The following KIF3C variants were observed in gnomAD, a reference collection of about 807,000 sequenced individuals.
KIF3C encodes the protein kinesin-like protein KIF3C.
Under a neutral mutation model 67.7 loss-of-function variants are expected in KIF3C, and 12 were observed. That is an observed-to-expected ratio of 0.18 (90% CI 0.11 to 0.29). The LOEUF is 0.29. KIF3C is among the 10% of genes least tolerant of loss of function. The probability of loss-of-function intolerance (pLI) is 1.00; values close to 1 mark genes in which losing one functional copy is unlikely to be tolerated. For missense variants in KIF3C, 789 were observed against 1,059.6 expected (o/e 0.74, Z 3.55); for synonymous variants, 393 against 426.2 (o/e 0.92, Z 0.96).
intron 1 of KIF3C, among the ~76,000 whole-genome samples, chr2:25,969,513 A>G (rs2149241346): frequency 6.6e-6 from 1 of 152,310 alleles, no homozygotes; most frequent in East Asian, 1.9e-4. Flanking sequence ...ATGACTTTTT[A>G]AAGTATTACA....
In KIF3C at chr2:25,955,630, T is replaced by C. The variant is rs759175298; in HGVS notation, c.1681A>G (p.Met561Val). Reference sequence around the variant, plus strand: ...TCCATAGTCTCCTCGTCCCGGAGCATCATCTCCTGCTGCATCTCCCGCTCA... The same window carrying C: ...TCCATAGTCTCCTCGTCCCGGAGCACCATCTCCTGCTGCATCTCCCGCTCA... ...RREREMQQEM[M>V]LRDEETMELR... Residue 561 changes from methionine to valine, a missense_variant, in exon 3 of 8, where the codon ATG becomes GTG. Around this residue, in one of 2 missense-constraint regions of KIF3C, gnomAD observed 648 missense variants for 807.8 expected, o/e 0.80. Coordinates refer to ENST00000264712, the MANE Select transcript of KIF3C (RefSeq NM_002254.8). The surrounding 1 kb of genome is among the most constrained non-coding windows in gnomAD (Gnocchi z 5.0). 1 of 1,614,078 alleles carries C rather than the reference T, an allele frequency of 6.2e-7. No homozygotes were observed. Among genetic ancestry groups the C allele is most frequent in the Admixed American group, 1.7e-5 (1 of 60,000 alleles).
At chr2:25,938,819 C>A (rs1332799102) in intron 5 of KIF3C, among the ~76,000 whole-genome samples, 1 of 152,140 alleles carries the variant, frequency 6.6e-6, no homozygotes, top group East Asian at 1.9e-4. Flanking sequence ...CCACAGTTAT[C>A]CTGCGTGCAG....
At chr2:25,971,886 T>A (rs1664293608) in intron 1 of KIF3C, among the ~76,000 whole-genome samples, 1 of 143,294 alleles carries the variant, frequency 7.0e-6, no homozygotes. Flanking sequence ...TTTTTTTTTT[T>A]TTTTTTTTTT....
intron 1 of KIF3C, among the ~76,000 whole-genome samples, chr2:25,967,198 G>A (rs2149240360): frequency 6.6e-6 from 1 of 152,322 alleles, no homozygotes. Context: ...CTGCCTGTGT[G>A]AGAGTCTTAT....
At chr2:25,931,974 C>T (rs1168535659) in intron 5 of KIF3C, among the ~76,000 whole-genome samples, 1 of 147,166 alleles carries the variant, frequency 6.8e-6, no homozygotes, top group African/African-American at 2.5e-5. Context: ...TGTCACCCAG[C>T]CTTCATTGTG....
intron 1 of KIF3C, among the ~76,000 whole-genome samples, chr2:25,960,151 C>T (rs1473292784): frequency 6.6e-6 from 1 of 152,102 alleles, no homozygotes; most frequent in East Asian, 1.9e-4. Context: ...TGCCTGTGGT[C>T]CCCATTGTTT....
At chr2:25,969,311 G>A (rs752696188) in intron 1 of KIF3C, among the ~76,000 whole-genome samples, 12 of 151,734 alleles carry the variant, frequency 7.9e-5, no homozygotes, top group Admixed American at 4.6e-4. Context: ...TGTCCCCCCC[G>A]TCTTTTTTAA....
chr2:25,945,031 T>A (rs749490775), intron 5 of KIF3C, among the ~76,000 whole-genome samples: 2 of 151,714 alleles, frequency 1.3e-5, no homozygotes, highest in Non-Finnish European at 2.9e-5. Flanking sequence ...CTCAGGAGGC[T>A]GAGGCAGGAG....
chr2:25,942,674 T>C (rs925626812), intron 5 of KIF3C, among the ~76,000 whole-genome samples: 5 of 152,278 alleles, frequency 3.3e-5, no homozygotes, highest in Admixed American at 2.6e-4. Flanking sequence ...CCTCCCAAAG[T>C]GCTGGGATTA....
chr2:25,968,767 C>T (rs1664205038), intron 1 of KIF3C, among the ~76,000 whole-genome samples: 1 of 152,154 alleles, frequency 6.6e-6, no homozygotes, highest in South Asian at 2.1e-4. Context: ...GGTTTCTAAC[C>T]CTGGCCTGCT....
Position 25,980,775 on chromosome 2 carries a change from C to T in KIF3C, c.1143G>A (p.Arg381=). 6.2e-7 allele frequency: 1 copy of T among 1,614,238 alleles called. No individual in the cohort carries two copies. The highest frequency in any genetic ancestry group is 1.1e-5 in the South Asian group (1 of 91,088). ...GGCGGGCAATCTCCTCTTGGAATTCCCGCAGCAGTGTGTCCTTGGGGTCCT... is the reference window on the plus strand; with the variant it reads ...GGCGGGCAATCTCCTCTTGGAATTCTCGCAGCAGTGTGTCCTTGGGGTCCT... ...VNEDPKDTLL[R]EFQEEIARLK... is the part of the protein sequence containing the mutation. Residue 381 remains arginine (R), a synonymous_variant, in exon 1 of 8, where the codon CGG becomes CGA. Coordinates refer to ENST00000264712, the MANE Select transcript of KIF3C (RefSeq NM_002254.8). This position sits in a 1 kb window ranked among gnomAD's most constrained non-coding sequence, Gnocchi z 7.6.
intron 5 of KIF3C, among the ~76,000 whole-genome samples, chr2:25,940,736 C>T (rs577238466): frequency 3.4e-5 from 5 of 148,684 alleles, no homozygotes; most frequent in Middle Eastern, 3.5e-3. Context: ...CTGCAACCCC[C>T]GCCTCCCAGG....
At chr2:25,937,672 C>T (rs1394478680) in intron 5 of KIF3C, among the ~76,000 whole-genome samples, 2 of 152,202 alleles carry the variant, frequency 1.3e-5, no homozygotes, top group East Asian at 3.8e-4. Flanking sequence ...AAGACTGAGG[C>T]TCAGGGAGGT....
rs765870617 is a variant in KIF3C at position 25,958,578 on chromosome 2, CACAAAAA to C, written c.1546-2141_1546-2135del. 4.2e-4 allele frequency among the ~76,000 whole-genome samples: 64 copies of C among 151,448 alleles called. 1 individual carries two copies. The Middle Eastern group carries it at 0.01, about 24-fold the overall frequency. Reference sequence around the variant, plus strand: ...CCTGGGTGCCAGAGTGAGACTTCATCACAAAAAACAAAAAACAAAAAACAGCACAACT... The same window carrying C: ...CCTGGGTGCCAGAGTGAGACTTCATCACAAAAAACAAAAAACAGCACAACT... On this transcript the variant is annotated intron_variant, in intron 1 of 7. Coordinates refer to ENST00000264712, the MANE Select transcript of KIF3C (RefSeq NM_002254.8). This position sits in a 1 kb window ranked among gnomAD's most constrained non-coding sequence, Gnocchi z 4.5.
chr2:25,965,147 C>T (rs1021647968), intron 1 of KIF3C, among the ~76,000 whole-genome samples: 4 of 152,174 alleles, frequency 2.6e-5, no homozygotes, highest in Admixed American at 2.6e-4. Context: ...CTGAATTTGC[C>T]TTATCAGTCA....
At chr2:25,976,301 C>G (rs779294211) in intron 1 of KIF3C, among the ~76,000 whole-genome samples, 1 of 152,184 alleles carries the variant, frequency 6.6e-6, no homozygotes, top group Admixed American at 6.5e-5. Context: ...CAGCCAAGAA[C>G]CCCAGCTCTT....
chr2:25,967,443 C>T (rs1042697575), intron 1 of KIF3C, among the ~76,000 whole-genome samples: 3 of 152,214 alleles, frequency 2.0e-5, no homozygotes, highest in Non-Finnish European at 2.9e-5. Context: ...AGCTCTTCAG[C>T]CCTTTGGACT....
Position 25,980,513 on chromosome 2 carries a change from C to G in KIF3C, c.1405G>C (p.Glu469Gln). 4 of 1,614,168 alleles carry G rather than the reference C, an allele frequency of 2.5e-6. No homozygotes were observed. The highest frequency in any genetic ancestry group is 3.4e-6 in the Non-Finnish European group (4 of 1,180,040). Reference sequence around the variant, plus strand: ...TCCTGGATGGCTGCCTTCTCCTCCTCCAGCCGCTCCTTCTGTTCCTGCAGG... The same window carrying G: ...TCCTGGATGGCTGCCTTCTCCTCCTGCAGCCGCTCCTTCTGTTCCTGCAGG... ...NYLQEQKERLEEEKAAIQDDR... is the reference protein window; with the variant it reads ...NYLQEQKERLQEEKAAIQDDR... The change falls in exon 1 of 8, where the codon GAG becomes CAG. Residue 469 changes from glutamate to glutamine, a missense_variant. Glu to Gln is a conservative substitution (Grantham distance 29). Transcript: ENST00000264712. The surrounding 1 kb of genome is among the most constrained non-coding windows in gnomAD (Gnocchi z 7.6).
intron 2 of KIF3C, among the ~76,000 whole-genome samples, chr2:25,956,020 C>T (rs34960191): frequency 0.25 from 38,076 of 152,114 alleles, 5,394 homozygotes; most frequent in African/African-American, 0.38. Context: ...CAAACTGTGG[C>T]TCTTGATGAT....
Sources: allele counts gnomAD v4.1 joint callset (sites outside exome capture counted in the v4.1 genomes callset), GRCh38; gene constraint gnomAD v4.1.1; regional missense constraint gnomAD v4.1.1; non-coding constraint Gnocchi (gnomAD v3.1); transcripts MANE v1.5; gene names NCBI Gene and HGNC (gene_info 2026-07-23, HGNC 2026-07-21).